The following ERN1 variants were observed in gnomAD, a reference collection of about 807,000 sequenced individuals.
ERN1 encodes serine/threonine-protein kinase/endoribonuclease IRE1.
Under a neutral mutation model 113.1 loss-of-function variants are expected in ERN1, and 39 were observed. That is an observed-to-expected ratio of 0.34 (90% confidence interval 0.27 to 0.45). The LOEUF (loss-of-function observed/expected upper bound fraction) is 0.45. Ranked by LOEUF, ERN1 falls within the 20% of genes least tolerant of loss-of-function variation. The probability of loss-of-function intolerance (pLI) is 1.00; values close to 1 mark genes in which losing one functional copy is unlikely to be tolerated. For synonymous variants in ERN1, 507 were observed against 515.9 expected, an observed-to-expected ratio of 0.98 and a Z score of 0.23; for missense variants, 976 against 1,274.8, an observed-to-expected ratio of 0.77 and a Z score of 3.57.
chr17:64,049,314 G>A lies in ERN1; in HGVS notation c.2254-112C>T. 1 of 1,143,730 alleles carries A rather than the reference G, an allele frequency of 8.7e-7. No individual in the cohort carries two copies. The highest frequency in any genetic ancestry group is 1.2e-6 in the Non-Finnish European group (1 of 830,776). The allele number at this position is 1,143,730 out of a possible 1,614,324, so 70.8% of individuals were successfully genotyped here. ...TTCTGCCACCTAGAAGGTGTCCTGG[G>A]AGAATCAGCTGACATATGTGAGCTG... On this transcript the variant is annotated intron_variant, in intron 17 of 21. Coordinates refer to ENST00000433197, the MANE Select transcript of ERN1 (RefSeq NM_001433.5). This position sits in a 1 kb window ranked among gnomAD's most constrained non-coding sequence, Gnocchi z 4.7.
chr17:64,068,577 A>T (rs1396691073), intron 6 of ERN1, among the ~76,000 whole-genome samples: 2 of 152,218 alleles, frequency 1.3e-5, no homozygotes, highest in Non-Finnish European at 2.9e-5. Context: ...TTAGCCATTA[A>T]GCTTCGGGGT....
At chr17:64,066,060 G>A (rs1363591901) in intron 8 of ERN1, among the ~76,000 whole-genome samples, 4 of 152,076 alleles carry the variant, frequency 2.6e-5, no homozygotes, top group Non-Finnish European at 5.9e-5. Context: ...ATATAAAGTA[G>A]GAAACTGAGG....
chr17:64,044,960 C>A lies in ERN1; in HGVS notation c.2654-33G>T. On this transcript the variant is annotated intron_variant, in intron 20 of 21. Transcript: ENST00000433197. The surrounding 1 kb of genome is among the most constrained non-coding windows in gnomAD (Gnocchi z 4.1). Reference sequence around the variant, plus strand: ...AACATTGAGGGAAGCAATGGGTAATCAAATTTAAAACTAATACATTTTAAA... The same window carrying A: ...AACATTGAGGGAAGCAATGGGTAATAAAATTTAAAACTAATACATTTTAAA... The A allele has an allele frequency of 6.9e-7, 1 of 1,445,600 alleles. No homozygotes were observed. Among genetic ancestry groups the A allele is most frequent in the African/African-American group, 1.4e-5 (1 of 71,308 alleles). The allele number at this position is 1,445,600 out of a possible 1,614,324, so 89.5% of individuals were successfully genotyped here.
At chr17:64,080,644 A>C in intron 3 of ERN1, 131 bp downstream of exon 3, 1 of 790,236 alleles carries the variant, frequency 1.3e-6, no homozygotes, top group Non-Finnish European at 2.0e-6. Flanking sequence ...CACCTGTAAG[A>C]CTTTATATGT....
chr17:64,087,990 C>T (rs192026056), intron 2 of ERN1, among the ~76,000 whole-genome samples: 86 of 152,272 alleles, frequency 5.6e-4, no homozygotes, highest in African/African-American at 2.0e-3. Context: ...ATGCAATCAA[C>T]CAAAATTTAA....
intron 1 of ERN1, among the ~76,000 whole-genome samples, chr17:64,111,410 C>T (rs1000751361): frequency 6.6e-6 from 1 of 151,138 alleles, no homozygotes; most frequent in African/African-American, 2.4e-5. Context: ...AGCTGGAGTG[C>T]AATGGCGCAA....
intron 1 of ERN1, among the ~76,000 whole-genome samples, chr17:64,103,509 A>G (rs1408053448): frequency 6.6e-6 from 1 of 151,906 alleles, no homozygotes; most frequent in Non-Finnish European, 1.5e-5. Flanking sequence ...AAAAAAAAAA[A>G]AAAAAGCAAT....
intron 2 of ERN1, among the ~76,000 whole-genome samples, chr17:64,096,103 C>T (rs910754972): frequency 6.6e-6 from 1 of 152,174 alleles, no homozygotes; most frequent in Non-Finnish European, 1.5e-5. Flanking sequence ...GGTCCCCAAC[C>T]CCCAGGTTGT....
intron 2 of ERN1, among the ~76,000 whole-genome samples, chr17:64,085,368 C>A (rs1455778122): frequency 6.6e-6 from 1 of 152,080 alleles, no homozygotes; most frequent in Non-Finnish European, 1.5e-5. Context: ...GCTCACAGGG[C>A]GAGAGAAGCA....
intron 2 of ERN1, among the ~76,000 whole-genome samples, chr17:64,084,118 C>T (rs1221583484): frequency 1.3e-5 from 2 of 152,158 alleles, no homozygotes; most frequent in Admixed American, 1.3e-4. Flanking sequence ...TGGACACGCC[C>T]ACTACTTCCC....
chr17:64,052,538 A>C (rs139325063), intron 17 of ERN1, among the ~76,000 whole-genome samples: 4 of 1,094 alleles, frequency 3.7e-3, no homozygotes, highest in East Asian at 0.5. Context: ...CCAACCAAAC[A>C]AAAAAAAAAA....
chr17:64,117,769 A>T (rs1914849627), intron 1 of ERN1, among the ~76,000 whole-genome samples: 1 of 152,136 alleles, frequency 6.6e-6, no homozygotes, highest in African/African-American at 2.4e-5. Flanking sequence ...GTGGCAACTT[A>T]CGAGGCCTCC....
chr17:64,054,571 C>T lies in ERN1; in HGVS notation c.1764-132G>A. 9.5e-7 allele frequency: 1 copy of T among 1,057,026 alleles called. No individual in the cohort carries two copies. Among genetic ancestry groups the T allele is most frequent in the Non-Finnish European group, 1.4e-6 (1 of 732,556 alleles). 65.5% of individuals were successfully genotyped at this position (1,057,026 alleles called of 1,614,324 possible). A position where few individuals can be genotyped will look rare whatever the true frequency, so the allele number is the denominator to read the frequency against. ...GAGCCCCGCCTGACTGCCTGGTGGC[C>T]CCGGAATCATCGCTTGTCTCAGTGT... On this transcript the variant is annotated intron_variant, in intron 14 of 21. Transcript: ENST00000433197. This position sits in a 1 kb window ranked among gnomAD's most constrained non-coding sequence, Gnocchi z 4.9.
At position 64,129,976 on chromosome 17, in the gene ERN1, C is replaced by A; in HGVS notation, c.54G>T (p.Gly18=). 6.9e-7 allele frequency: 1 copy of A among 1,449,310 alleles called. No homozygotes were observed. 89.8% of individuals were successfully genotyped at this position (1,449,310 alleles called of 1,614,324 possible). ...CACCCCACGCTCCCCGGTCACTCAC[C>A]CCGAGGCCGGGCAGCAGCAGCGTCA... ...LLLTLLLPGL[G]IFGSTSTVTL... The change falls in exon 1 of 22, where the codon GGG becomes GGT. Residue 18 remains glycine (G), a splice_region_variant and synonymous_variant. Coordinates refer to ENST00000433197, the MANE Select transcript of ERN1 (RefSeq NM_001433.5).
intron 20 of ERN1, 116 bp from the exon 21 acceptor site, chr17:64,045,043 C>A: frequency 1.2e-6 from 1 of 803,218 alleles, no homozygotes; most frequent in Non-Finnish European, 2.1e-6. Flanking sequence ...TGAGGTCACT[C>A]CACACCTAGG....
rs62073079 is a variant in ERN1, at chr17:64,092,609, G to C, written c.175+5512C>G. On this transcript the variant is annotated intron_variant, in intron 2 of 21. Transcript: ENST00000433197. The stretch of plus-strand genomic sequence containing the variant: ...TTAGCAGATTTTCATGATTAGTAAA[G>C]AATGGTTCTAATTTGACCCAGCTCT... Among the ~76,000 whole-genome samples, 933 of 152,274 alleles carry C rather than the reference G, an allele frequency of 6.1e-3. 4 individuals carry two copies. The highest frequency in any genetic ancestry group is 9.0e-3 in the Non-Finnish European group (610 of 68,020).
chr17:64,046,856 C>T (rs568735247), intron 19 of ERN1, among the ~76,000 whole-genome samples: 1 of 152,184 alleles, frequency 6.6e-6, no homozygotes, highest in Admixed American at 6.5e-5. Flanking sequence ...AGGAGGCGTT[C>T]GGGTGAGTTA....
chr17:64,060,266 C>T (rs1267105761), intron 11 of ERN1, among the ~76,000 whole-genome samples: 2 of 152,354 alleles, frequency 1.3e-5, no homozygotes, highest in East Asian at 3.9e-4. Context: ...GGTCCTGCTG[C>T]CTTTCCTGCA....
intron 2 of ERN1, among the ~76,000 whole-genome samples, chr17:64,089,429 G>GT (rs1567876429): frequency 1.3e-5 from 2 of 151,672 alleles, no homozygotes; most frequent in African/African-American, 4.9e-5. Flanking sequence ...GAGCGCCAAC[G>GT]TGATGTGCAA....
Sources: gnomAD v4.1 joint callset for allele counts (sites outside exome capture counted in the v4.1 genomes callset) on GRCh38, gnomAD v4.1.1 for gene constraint, Gnocchi (gnomAD v3.1) non-coding constraint, MANE v1.5 for transcripts, NCBI Gene and HGNC (gene_info 2026-07-23, HGNC 2026-07-21) for gene names.